Variants in KCNB2 observed in about 807,000 individuals in gnomAD.
KCNB2 encodes potassium voltage-gated channel subfamily B member 2, also known as delayed rectifier potassium channel protein.
Under a neutral mutation model 61.5 loss-of-function variants are expected in KCNB2, and 15 were observed. That is an observed-to-expected ratio of 0.24 (90% CI 0.16 to 0.38). The LOEUF (loss-of-function observed/expected upper bound fraction) is 0.38. Ranked by LOEUF, KCNB2 falls within the 10% of genes least tolerant of loss-of-function variation. The pLI, the probability that KCNB2 is intolerant of heterozygous loss-of-function variation, is 1.00. For missense variants in KCNB2, 828 were observed against 1,125.2 expected (o/e 0.74, Z 3.78); for synonymous variants, 457 against 446.0 (o/e 1.02, Z -0.31).
At chr8:72,625,582 G>T (rs1018024996) in intron 2 of KCNB2, among the ~76,000 whole-genome samples, 1 of 151,984 alleles carries the variant, frequency 6.6e-6, no homozygotes, top group Admixed American at 6.6e-5. Context: ...AGGCGTGTGT[G>T]ACCATGCCCA....
intron 2 of KCNB2, among the ~76,000 whole-genome samples, chr8:72,742,324 T>G (rs1004795990): frequency 6.6e-6 from 1 of 152,242 alleles, no homozygotes; most frequent in African/African-American, 2.4e-5. Context: ...AAAATTCGTG[T>G]AGTCTTTTTC....
At chr8:72,730,256 A>G (rs1250771187) in intron 2 of KCNB2, among the ~76,000 whole-genome samples, 2 of 152,170 alleles carry the variant, frequency 1.3e-5, no homozygotes, top group Non-Finnish European at 2.9e-5. Context: ...CTTTCGATGC[A>G]TCTCCCCTTG....
chr8:72,904,239 T>G (rs1806134440), intron 2 of KCNB2, among the ~76,000 whole-genome samples: 1 of 152,208 alleles, frequency 6.6e-6, no homozygotes, highest in Non-Finnish European at 1.5e-5. Flanking sequence ...TACATGATTT[T>G]TAAAGTGTGT....
At chr8:72,796,524 A>G (rs1002429958) in intron 2 of KCNB2, among the ~76,000 whole-genome samples, 7 of 152,172 alleles carry the variant, frequency 4.6e-5, no homozygotes, top group Admixed American at 6.5e-5. Context: ...AAACAGATTC[A>G]TGTCAAATTT....
intron 2 of KCNB2, among the ~76,000 whole-genome samples, chr8:72,841,541 G>C (rs994349513): frequency 6.6e-6 from 1 of 151,908 alleles, no homozygotes; most frequent in African/African-American, 2.4e-5. Context: ...CCATTTTCAC[G>C]ATATTGATTC....
chr8:72,931,313 A>G (rs1238540066), intron 2 of KCNB2, among the ~76,000 whole-genome samples: 3 of 152,112 alleles, frequency 2.0e-5, no homozygotes, highest in Admixed American at 6.5e-5. Context: ...ACTTTAAGGT[A>G]GTTTTTTCCA....
At chr8:72,729,646 G>A (rs1807708705) in intron 2 of KCNB2, among the ~76,000 whole-genome samples, 1 of 152,182 alleles carries the variant, frequency 6.6e-6, no homozygotes, top group Non-Finnish European at 1.5e-5. Context: ...CATTTTGGGA[G>A]GCCAACACGG....
At chr8:72,734,645 G>A (rs1234594085) in intron 2 of KCNB2, among the ~76,000 whole-genome samples, 1 of 152,126 alleles carries the variant, frequency 6.6e-6, no homozygotes, top group Non-Finnish European at 1.5e-5. Context: ...AAAGCTGAAT[G>A]AGGCTCATTG....
chr8:72,708,288 G>A (rs1807266867), intron 2 of KCNB2, among the ~76,000 whole-genome samples: 1 of 144,652 alleles, frequency 6.9e-6, no homozygotes, highest in African/African-American at 2.7e-5. Flanking sequence ...ATGAGAATTT[G>A]TGTTCTCTAT....
At position 72,674,081 on chromosome 8, in the gene KCNB2, A is replaced by T. The variant is rs184088003; in HGVS notation, c.579+105768A>T. ...CTCTGCATCCAGATAGCCCTTCTCT[A>T]TTGGAAGAGCCAGCATGATGTGGTG... On this transcript the variant is annotated intron_variant, in intron 2 of 2. Transcript: ENST00000523207. Among the ~76,000 whole-genome samples the T allele has an allele frequency of 1.1e-3, 170 of 152,264 alleles. 2 individuals are homozygous for T. Among genetic ancestry groups the T allele is most frequent in the Admixed American group, 8.0e-3 (123 of 15,296 alleles).
intron 2 of KCNB2, among the ~76,000 whole-genome samples, chr8:72,860,476 G>C (rs968865261): frequency 6.6e-6 from 1 of 152,134 alleles, no homozygotes; most frequent in Non-Finnish European, 1.5e-5. Context: ...TTGTATTAAA[G>C]CCTGTTTAAA....
At chr8:72,607,937 C>G (rs1162271544) in intron 2 of KCNB2, among the ~76,000 whole-genome samples, 2 of 152,138 alleles carry the variant, frequency 1.3e-5, no homozygotes, top group Admixed American at 1.3e-4. Context: ...ATCCACTCAT[C>G]ATTATTAAAC....
At chr8:72,538,198 A>C (rs1806142643) in intron 1 of KCNB2, among the ~76,000 whole-genome samples, 1 of 152,048 alleles carries the variant, frequency 6.6e-6, no homozygotes, top group Non-Finnish European at 1.5e-5. Context: ...CCACACTCAC[A>C]TGCACACACT....
chr8:72,542,709 T>G (rs945224132), intron 1 of KCNB2, among the ~76,000 whole-genome samples: 3 of 152,076 alleles, frequency 2.0e-5, no homozygotes, highest in Non-Finnish European at 4.4e-5. Context: ...CACAAGTAAC[T>G]GACATCTGGC....
chr8:72,796,107 T>A (rs529321975), intron 2 of KCNB2, among the ~76,000 whole-genome samples: 1 of 152,228 alleles, frequency 6.6e-6, no homozygotes, highest in Non-Finnish European at 1.5e-5. Flanking sequence ...CCATCTGGCA[T>A]GCCTTACATT....
chr8:72,839,130 G>T (rs1477450911), intron 2 of KCNB2, among the ~76,000 whole-genome samples: 1 of 151,978 alleles, frequency 6.6e-6, no homozygotes, highest in African/African-American at 2.4e-5. Flanking sequence ...AATTTCTTCT[G>T]CTTTTCTCAT....
At chr8:72,583,965 ACAAAC>A (rs1233181969) in intron 2 of KCNB2, among the ~76,000 whole-genome samples, 14 of 147,480 alleles carry the variant, frequency 9.5e-5, no homozygotes, top group Admixed American at 3.4e-4. Flanking sequence ...AAAAAAAAAA[ACAAAC>A]AAAACCCAAA....
At chr8:72,892,468 G>T (rs186099258) in intron 2 of KCNB2, among the ~76,000 whole-genome samples, 1 of 152,262 alleles carries the variant, frequency 6.6e-6, no homozygotes, top group Non-Finnish European at 1.5e-5. Context: ...TGGGAAAACT[G>T]GCTCTTCTCA....
chr8:72,776,730 A>G (rs915122151), intron 2 of KCNB2, among the ~76,000 whole-genome samples: 54 of 152,186 alleles, frequency 3.5e-4, no homozygotes, highest in South Asian at 4.1e-4. Flanking sequence ...ACGTTCGGAG[A>G]TCGGCATGCA....
Sources: allele counts gnomAD v4.1 joint callset (sites outside exome capture counted in the v4.1 genomes callset), GRCh38; gene constraint gnomAD v4.1.1; transcripts MANE v1.5; gene names NCBI Gene and HGNC (gene_info 2026-07-23, HGNC 2026-07-21).